The following B3GALT1 variants were observed in gnomAD, a reference collection of about 807,000 sequenced individuals.
B3GALT1 encodes UDP-Gal:betaGlcNAc beta 1,3-galactosyltransferase, polypeptide 1.
B3GALT1 carries 10 observed loss-of-function variants against 23.2 expected under a neutral mutation model. The observed-to-expected ratio is 0.43, with a 90% CI of 0.27 to 0.73. The LOEUF is 0.73. Among genes scored for constraint, B3GALT1 ranks in the 30% least tolerant of loss-of-function variants. The pLI is 0.21. For missense variants in B3GALT1, 299 were observed against 405.4 expected (o/e 0.74, Z 2.25); for synonymous variants, 156 against 141.5 (o/e 1.10, Z -0.73).
chr2:167,770,641 A>AT (rs1301424645), intron 3 of B3GALT1, among the ~76,000 whole-genome samples: 11 of 152,018 alleles, frequency 7.2e-5, no homozygotes, highest in South Asian at 2.1e-4. Context: ...TAATTTACCA[A>AT]TTTTTTTTCA....
At chr2:167,597,366 T>C (rs762481345) in intron 2 of B3GALT1, among the ~76,000 whole-genome samples, 11 of 152,168 alleles carry the variant, frequency 7.2e-5, no homozygotes, top group Admixed American at 6.5e-4. Context: ...CTGCCCGCCT[T>C]GGCCTCCCAA....
Position 167,869,357 on chromosome 2 carries a change from C to A in B3GALT1, c.318C>A (p.Asn106Lys). ...GAGAGACGTGGGGGGATGAGAACAA[C>A]TTTAAGGGGATCAAGATAGCCACCC... ...AIRETWGDEN[N>K]FKGIKIATLF... The change falls in exon 5 of 5, where the codon AAC becomes AAA. Residue 106 changes from asparagine (N) to lysine (K), a missense_variant. Coordinates refer to ENST00000392690, the MANE Select transcript of B3GALT1 (RefSeq NM_020981.4). The surrounding 1 kb of genome is among the most constrained non-coding windows in gnomAD (Gnocchi z 6.4). The A allele has an allele frequency of 6.2e-7, 1 of 1,614,066 alleles. No individual in the cohort carries two copies. Among genetic ancestry groups the A allele is most frequent in the Non-Finnish European group, 8.5e-7 (1 of 1,180,002 alleles).
chr2:167,415,545 T>C (rs1176380029), intron 1 of B3GALT1, among the ~76,000 whole-genome samples: 1 of 152,214 alleles, frequency 6.6e-6, no homozygotes, highest in Non-Finnish European at 1.5e-5. Flanking sequence ...GAAGCAGCTT[T>C]GGAACTGGGT....
rs188493482 is a variant in B3GALT1, at chr2:167,597,881, A to C, written c.-409-49028A>C. On this transcript the variant is annotated intron_variant, in intron 2 of 4. Coordinates refer to ENST00000392690, the MANE Select transcript of B3GALT1 (RefSeq NM_020981.4). ...AATAGTTAGCAACTTAAATCGCATC[A>C]GATTTGTAGATATTATATGAGGGAG... Among the ~76,000 whole-genome samples the C allele has an allele frequency of 2.1e-3, 323 of 152,334 alleles. 2 individuals are homozygous for C. The highest frequency in any genetic ancestry group is 7.6e-3 in the African/African-American group (314 of 41,572).
intron 2 of B3GALT1, among the ~76,000 whole-genome samples, chr2:167,622,561 T>A (rs1685277490): frequency 6.6e-6 from 1 of 152,108 alleles, no homozygotes; most frequent in African/African-American, 2.4e-5. Context: ...TTGGGTTGAG[T>A]CTTCTATAAC....
intron 3 of B3GALT1, among the ~76,000 whole-genome samples, chr2:167,660,510 C>T (rs1029022171): frequency 6.6e-6 from 1 of 152,048 alleles, no homozygotes; most frequent in South Asian, 2.1e-4. Flanking sequence ...CTTTTAAGGT[C>T]TCAGGGGCCT....
chr2:167,308,732 G>A (rs1001795341), intron 1 of B3GALT1, among the ~76,000 whole-genome samples: 11 of 151,984 alleles, frequency 7.2e-5, no homozygotes, highest in African/African-American at 2.7e-4. Flanking sequence ...AATGGGAAAT[G>A]ACATCCTGTA....
chr2:167,360,491 G>A (rs1032739301), intron 1 of B3GALT1, among the ~76,000 whole-genome samples: 3 of 152,148 alleles, frequency 2.0e-5, no homozygotes, highest in Non-Finnish European at 1.5e-5. Context: ...GACCAGCACC[G>A]TCAGTATCAT....
chr2:167,387,799 C>G (rs1233652732), intron 1 of B3GALT1, among the ~76,000 whole-genome samples: 1 of 152,188 alleles, frequency 6.6e-6, no homozygotes. Flanking sequence ...GTGTTAATCT[C>G]TACTGCCAGT....
chr2:167,607,835 G>A (rs1308914451), intron 2 of B3GALT1, among the ~76,000 whole-genome samples: 1 of 152,142 alleles, frequency 6.6e-6, no homozygotes, highest in Non-Finnish European at 1.5e-5. Context: ...GCAATTTTTA[G>A]CAAGTGCCAA....
rs16854294 is a variant in B3GALT1, at chr2:167,868,905, T to C, written c.-135T>C. 3,762 of 1,066,912 alleles carry C rather than the reference T, an allele frequency of 3.5e-3. 114 individuals are homozygous for C. In the African/African-American group the frequency reaches 0.054, roughly 15 times the overall value. The allele number at this position is 1,066,912 out of a possible 1,614,324, so 66.1% of individuals were successfully genotyped here. On this transcript the variant is annotated 5_prime_UTR_variant, in exon 5 of 5. It removes an upstream start codon present in the reference 5' UTR. Coordinates refer to ENST00000392690, the MANE Select transcript of B3GALT1 (RefSeq NM_020981.4). ...GGTGACAGACAGCCACTGAGGCCCA[T>C]GGACAATCTCCACCTCACGCTTCTC...
At chr2:167,447,854 G>T (rs975424908) in intron 1 of B3GALT1, among the ~76,000 whole-genome samples, 5 of 151,994 alleles carry the variant, frequency 3.3e-5, no homozygotes, top group Non-Finnish European at 7.4e-5. Context: ...TGCTTGGTGG[G>T]CTGCATCCAC....
In B3GALT1 at chr2:167,641,142, G is replaced by A. The variant is rs144289136; in HGVS notation, c.-409-5767G>A. On this transcript the variant is annotated intron_variant, in intron 2 of 4. Coordinates refer to ENST00000392690, the MANE Select transcript of B3GALT1 (RefSeq NM_020981.4). ...CAAAGTATGCTGTCAAAGTGCTTATGGTTCAGCAGGAAAGACAGTTATCAG... is the reference window on the plus strand; with the variant it reads ...CAAAGTATGCTGTCAAAGTGCTTATAGTTCAGCAGGAAAGACAGTTATCAG... 9.4e-3 allele frequency among the ~76,000 whole-genome samples: 1,424 copies of A among 152,222 alleles called. 23 individuals are homozygous for A. Among genetic ancestry groups the A allele is most frequent in the African/African-American group, 0.033 (1,364 of 41,540 alleles).
chr2:167,442,256 A>C (rs539194125), intron 1 of B3GALT1, among the ~76,000 whole-genome samples: 1 of 151,986 alleles, frequency 6.6e-6, no homozygotes, highest in South Asian at 2.1e-4. Flanking sequence ...TATGTGCCAC[A>C]TTTTCTTAAT....
In B3GALT1 at chr2:167,530,227, C is replaced by A. The variant is rs1295207056; in HGVS notation, c.-410+39950C>A. Among the ~76,000 whole-genome samples, 5 of 152,248 alleles carry A rather than the reference C, an allele frequency of 3.3e-5. No homozygotes were observed. In the South Asian group the frequency reaches 8.3e-4, roughly 25 times the overall value. ...TCAAACAGATTCTACCCCCTATTGGCCAGTGTTAACTAAAATAGCACTCAC... is the reference window on the plus strand; with the variant it reads ...TCAAACAGATTCTACCCCCTATTGGACAGTGTTAACTAAAATAGCACTCAC... On this transcript the variant is annotated intron_variant, in intron 2 of 4. Transcript: ENST00000392690.
intron 3 of B3GALT1, among the ~76,000 whole-genome samples, chr2:167,758,220 C>A (rs760201797): frequency 6.6e-6 from 1 of 152,024 alleles, no homozygotes; most frequent in African/African-American, 2.4e-5. Context: ...TTTTAGAGAG[C>A]TCTCTGATAG....
chr2:167,750,006 G>A (rs1449173800), intron 3 of B3GALT1, among the ~76,000 whole-genome samples: 1 of 152,188 alleles, frequency 6.6e-6, no homozygotes, highest in East Asian at 1.9e-4. Flanking sequence ...TTTGGCATGA[G>A]AGTGTGTAAA....
At chr2:167,505,143 T>C (rs1295312689) in intron 2 of B3GALT1, among the ~76,000 whole-genome samples, 3 of 152,142 alleles carry the variant, frequency 2.0e-5, no homozygotes, top group Non-Finnish European at 4.4e-5. Flanking sequence ...AAGGATGTAT[T>C]GGGAAGATTA....
intron 2 of B3GALT1, among the ~76,000 whole-genome samples, chr2:167,504,582 T>A (rs1484542272): frequency 6.6e-6 from 1 of 152,186 alleles, no homozygotes; most frequent in African/African-American, 2.4e-5. Context: ...CATCCTTCAA[T>A]CTTCATTGAT....
Sources: gnomAD v4.1 joint callset for allele counts (sites outside exome capture counted in the v4.1 genomes callset) on GRCh38, gnomAD v4.1.1 for gene constraint, Gnocchi (gnomAD v3.1) non-coding constraint, MANE v1.5 for transcripts, NCBI Gene and HGNC (gene_info 2026-07-23, HGNC 2026-07-21) for gene names.